SLC24A2: variants seen among roughly 807,000 people sequenced by gnomAD.
The protein encoded by SLC24A2 is sodium/potassium/calcium exchanger 2.
Under a neutral mutation model 62.0 loss-of-function variants are expected in SLC24A2, and 36 were observed. The observed-to-expected ratio is 0.58, with a 90% CI of 0.44 to 0.77. The LOEUF is 0.77. SLC24A2 is among the 30% of genes least tolerant of loss of function. The pLI, the probability that SLC24A2 is intolerant of heterozygous loss-of-function variation, is 0.00. For synonymous variants in SLC24A2, 358 were observed against 294.0 expected (o/e 1.22, Z -2.23); for missense variants, 846 against 817.9 (o/e 1.03, Z -0.42).
chr9:19,909,248 C>T, the SLC24A2 span, among the ~76,000 whole-genome samples: 7 of 151,940 alleles, frequency 4.6e-5, no homozygotes, highest in Admixed American at 1.3e-4. Context: ...AACCAAACGC[C>T]GCATGTTCTC....
At chr9:20,122,109 GT>G in the SLC24A2 span, among the ~76,000 whole-genome samples, 1 of 152,170 alleles carries the variant, frequency 6.6e-6, no homozygotes, top group Non-Finnish European at 1.5e-5. Context: ...AATTTGCTGG[GT>G]TAAGTACAAA....
At chr9:19,631,723 C>G (rs544196237) in intron 2 of SLC24A2, among the ~76,000 whole-genome samples, 9 of 152,276 alleles carry the variant, frequency 5.9e-5, no homozygotes, top group African/African-American at 2.2e-4. Flanking sequence ...ATTGAGGTGA[C>G]TGGGTCCAGT....
chr9:20,060,473 G>T, the SLC24A2 span, among the ~76,000 whole-genome samples: 1 of 152,042 alleles, frequency 6.6e-6, no homozygotes, highest in Non-Finnish European at 1.5e-5. Context: ...TTTGCCCTAG[G>T]AATGTAAGAT....
At chr9:19,663,560 C>T (rs1381350209) in intron 2 of SLC24A2, among the ~76,000 whole-genome samples, 1 of 152,132 alleles carries the variant, frequency 6.6e-6, no homozygotes, top group African/African-American at 2.4e-5. Context: ...TGGATCAGAA[C>T]AGCAGTAAAG....
At chr9:20,105,132 C>A in the SLC24A2 span, among the ~76,000 whole-genome samples, 5 of 152,200 alleles carry the variant, frequency 3.3e-5, no homozygotes, top group South Asian at 4.1e-4. Context: ...GGGATCAATT[C>A]AACAAGAAGA....
At chr9:19,594,812 C>G (rs887186381) in intron 5 of SLC24A2, among the ~76,000 whole-genome samples, 2 of 151,972 alleles carry the variant, frequency 1.3e-5, no homozygotes, top group African/African-American at 2.4e-5. Context: ...GGGGAGAGAC[C>G]CTTGAGAGTT....
At chr9:19,634,555 C>G (rs968041452) in intron 2 of SLC24A2, among the ~76,000 whole-genome samples, 5 of 152,156 alleles carry the variant, frequency 3.3e-5, no homozygotes, top group Admixed American at 2.6e-4. Context: ...CCCAAAGTGC[C>G]GGGATTATAG....
the SLC24A2 span, among the ~76,000 whole-genome samples, chr9:20,303,988 G>C: frequency 1.3e-5 from 2 of 152,090 alleles, no homozygotes; most frequent in Non-Finnish European, 2.9e-5. Context: ...GACCACATAA[G>C]GTGTATCCAA....
chr9:19,775,682 G>A (rs1011697530), intron 2 of SLC24A2, among the ~76,000 whole-genome samples: 18 of 152,224 alleles, frequency 1.2e-4, no homozygotes, highest in African/African-American at 4.3e-4. Context: ...AGGAAAAGCT[G>A]AGGGTAAGAA....
the SLC24A2 span, among the ~76,000 whole-genome samples, chr9:20,197,632 G>C: frequency 6.6e-6 from 1 of 151,804 alleles, no homozygotes; most frequent in African/African-American, 2.4e-5. Flanking sequence ...GGGTTTTACC[G>C]TGTTGGCCAA....
chr9:19,911,739 A>C, the SLC24A2 span, among the ~76,000 whole-genome samples: 4 of 152,170 alleles, frequency 2.6e-5, no homozygotes, highest in South Asian at 6.2e-4. Flanking sequence ...CTTTCCACTC[A>C]GCCTGTCCTA....
intron 2 of SLC24A2, among the ~76,000 whole-genome samples, chr9:19,710,775 C>T (rs1379638703): frequency 6.6e-6 from 1 of 152,004 alleles, no homozygotes; most frequent in Non-Finnish European, 1.5e-5. Context: ...ATCGCTCTGG[C>T]CACAGGTCGA....
chr9:19,799,686 G>A, the SLC24A2 span, among the ~76,000 whole-genome samples: 1 of 152,140 alleles, frequency 6.6e-6, no homozygotes, highest in East Asian at 1.9e-4. Flanking sequence ...TCACAGCATG[G>A]CTCGTAATGA....
chr9:20,271,619 T>C, the SLC24A2 span, among the ~76,000 whole-genome samples: 11 of 152,326 alleles, frequency 7.2e-5, 1 homozygote, highest in South Asian at 2.3e-3. Context: ...ACTAATTTTA[T>C]TCCTGAAGCA....
chr9:19,558,368 A>G (rs1202846861), intron 7 of SLC24A2, among the ~76,000 whole-genome samples: 1 of 152,204 alleles, frequency 6.6e-6, no homozygotes, highest in Non-Finnish European at 1.5e-5. Context: ...AGTTAGGAAG[A>G]AAGACTTGTC....
chr9:19,860,086 G>A, the SLC24A2 span, among the ~76,000 whole-genome samples: 254 of 152,270 alleles, frequency 1.7e-3, no homozygotes, highest in African/African-American at 5.8e-3. Context: ...GACTGGGGGA[G>A]CATGTGACCT....
At chr9:20,058,573 G>A in the SLC24A2 span, among the ~76,000 whole-genome samples, 320 of 151,624 alleles carry the variant, frequency 2.1e-3, 1 homozygote, top group African/African-American at 7.2e-3. Context: ...AAGTAACAAT[G>A]ACTCCCCCAT....
the SLC24A2 span, among the ~76,000 whole-genome samples, chr9:20,040,768 C>T: frequency 6.6e-6 from 1 of 152,164 alleles, no homozygotes; most frequent in Non-Finnish European, 1.5e-5. Context: ...AAAGCTAACC[C>T]AGGGAAGGGA....
the SLC24A2 span, among the ~76,000 whole-genome samples, chr9:19,944,535 T>C: frequency 6.6e-6 from 1 of 151,952 alleles, no homozygotes; most frequent in East Asian, 1.9e-4. Flanking sequence ...TGGTTTAATA[T>C]AGGTTTGAAA....
Sources: gnomAD v4.1 joint callset for allele counts (sites outside exome capture counted in the v4.1 genomes callset) on GRCh38, gnomAD v4.1.1 for gene constraint, MANE v1.5 for transcripts, NCBI Gene and HGNC (gene_info 2026-07-23, HGNC 2026-07-21) for gene names.